The following TOMM34 variants were observed in gnomAD, a reference collection of about 807,000 sequenced individuals.
TOMM34 encodes the protein translocase of outer mitochondrial membrane 34, also known as mitochondrial import receptor subunit TOM34.
Under a neutral mutation model 37.4 loss-of-function variants are expected in TOMM34, and 24 were observed. That is an observed-to-expected ratio of 0.64 (90% CI 0.46 to 0.90). TOMM34 has a LOEUF of 0.90. Ranked by LOEUF, TOMM34 falls within the 40% of genes least tolerant of loss-of-function variation. The probability of loss-of-function intolerance (pLI) is 0.00; values close to 1 mark genes in which losing one functional copy is unlikely to be tolerated. For synonymous variants in TOMM34, 154 were observed against 148.9 expected, an observed-to-expected ratio of 1.03 and a Z score of -0.25; for missense variants, 304 against 375.6, an observed-to-expected ratio of 0.81 and a Z score of 1.58.
chr20:44,958,419 T>G, intron 1 of TOMM34: 1 of 471,460 alleles, frequency 2.1e-6, no homozygotes, highest in South Asian at 1.5e-5. Context: ...TAATCCATCT[T>G]GAGTCACCAG....
At position 44,944,187 on chromosome 20, in the gene TOMM34, A is replaced by G. The variant is rs1968404670; in HGVS notation, c.699-608T>C. Among the ~76,000 whole-genome samples, 3 of 152,234 alleles carry G rather than the reference A, an allele frequency of 2.0e-5. No individual in the cohort carries two copies. In the South Asian group the frequency reaches 6.2e-4, roughly 32 times the overall value. On this transcript the variant is annotated intron_variant, in intron 5 of 6. Transcript: ENST00000372813. ...AATGTACAAATCTTTCAACTTTCCTATATTTTGAACATTTTCATAATAAAA... is the reference window on the plus strand; with the variant it reads ...AATGTACAAATCTTTCAACTTTCCTGTATTTTGAACATTTTCATAATAAAA...
chr20:44,952,358 C>T (rs7269796), intron 3 of TOMM34, among the ~76,000 whole-genome samples: 3,877 of 147,176 alleles, frequency 0.026, 107 homozygotes, highest in African/African-American at 0.063. Flanking sequence ...CACAACCATG[C>T]AAGCACCTGA....
chr20:44,944,435 A>C (rs2066963380), intron 5 of TOMM34, among the ~76,000 whole-genome samples: 1 of 152,340 alleles, frequency 6.6e-6, no homozygotes, highest in African/African-American at 2.4e-5. Flanking sequence ...TGGATGTAGC[A>C]TAATTTATTT....
intron 3 of TOMM34, among the ~76,000 whole-genome samples, chr20:44,954,320 C>T (rs1368414882): frequency 6.6e-6 from 1 of 152,194 alleles, no homozygotes; most frequent in African/African-American, 2.4e-5. Flanking sequence ...ATGTCTCAGT[C>T]ATCAGCCCAG....
intron 5 of TOMM34, among the ~76,000 whole-genome samples, chr20:44,947,823 G>A (rs1378763493): frequency 6.6e-6 from 1 of 152,192 alleles, no homozygotes; most frequent in African/African-American, 2.4e-5. Context: ...TATCTCAAGA[G>A]TTTGGAATAA....
chr20:44,956,881 A>G (rs983179810), intron 1 of TOMM34, among the ~76,000 whole-genome samples: 11 of 152,086 alleles, frequency 7.2e-5, no homozygotes, highest in African/African-American at 2.4e-4. Flanking sequence ...AAGAAAAAAA[A>G]AAAAAGAAAA....
At chr20:44,943,240 G>A in intron 6 of TOMM34, 27 bp from the exon 7 acceptor site, 1 of 1,613,146 alleles carries the variant, frequency 6.2e-7, no homozygotes, top group Non-Finnish European at 8.5e-7. Flanking sequence ...CAGGAGTGTG[G>A]GGGAAGGTTC....
At chr20:44,945,349 G>A (rs771380187) in intron 5 of TOMM34, among the ~76,000 whole-genome samples, 3 of 152,214 alleles carry the variant, frequency 2.0e-5, no homozygotes, top group South Asian at 2.1e-4. Context: ...ACTGAGAGGC[G>A]GAGGTGTATC....
chr20:44,953,409 C>A (rs1237503575), intron 3 of TOMM34, among the ~76,000 whole-genome samples: 2 of 152,198 alleles, frequency 1.3e-5, no homozygotes, highest in African/African-American at 4.8e-5. Context: ...CTTGGGACAT[C>A]AATGCCCTGT....
At chr20:44,954,804 G>A (rs2067056602) in intron 3 of TOMM34, among the ~76,000 whole-genome samples, 1 of 152,112 alleles carries the variant, frequency 6.6e-6, no homozygotes, top group African/African-American at 2.4e-5. Flanking sequence ...CTTAAACAGT[G>A]TACAATAAAT....
Position 44,943,012 on chromosome 20 carries a change from T to G in TOMM34, c.*97A>C. ...TTGAGGAGGGGGCTTCAGAGCTCACTTGGGGCATGCTGGGTTTCAGGAGCG... is the reference window on the plus strand; with the variant it reads ...TTGAGGAGGGGGCTTCAGAGCTCACGTGGGGCATGCTGGGTTTCAGGAGCG... On this transcript the variant is annotated 3_prime_UTR_variant, in exon 7 of 7. Coordinates refer to ENST00000372813, the MANE Select transcript of TOMM34 (RefSeq NM_006809.5). 1 of 1,190,430 alleles carries G rather than the reference T, an allele frequency of 8.4e-7. No individual in the cohort carries two copies. The highest frequency in any genetic ancestry group is 1.3e-5 in the South Asian group (1 of 78,612). 73.7% of individuals were successfully genotyped at this position (1,190,430 alleles called of 1,614,324 possible). A position where few individuals can be genotyped will look rare whatever the true frequency, so the allele number is the denominator to read the frequency against.
intron 1 of TOMM34, among the ~76,000 whole-genome samples, chr20:44,957,379 G>A (rs1417675253): frequency 1.3e-5 from 2 of 152,052 alleles, no homozygotes; most frequent in Non-Finnish European, 2.9e-5. Flanking sequence ...TCACTATGTT[G>A]GCCAAGCTGG....
At chr20:44,955,385 C>T (rs1359362689) in intron 2 of TOMM34, 165 bp from the exon 3 acceptor site, 19 of 771,244 alleles carry the variant, frequency 2.5e-5, no homozygotes, top group East Asian at 8.0e-5. Context: ...GATTTTTCAA[C>T]GTAGACTGAA....
At chr20:44,955,047 C>A (rs200263518) in intron 3 of TOMM34, 21 bp downstream of exon 3, 15 of 1,613,070 alleles carry the variant, frequency 9.3e-6, no homozygotes, top group Non-Finnish European at 1.3e-5. Flanking sequence ...GTGGAGACCA[C>A]CTGCTGGGAA....
intron 3 of TOMM34, 118 bp from the exon 4 acceptor site, chr20:44,952,120 CT>C: frequency 8.0e-7 from 1 of 1,249,274 alleles, no homozygotes; most frequent in East Asian, 2.6e-5. Flanking sequence ...CACCCTCCCC[CT>C]GGTCGGAACC....
chr20:44,959,885 T>C lies in TOMM34; in HGVS notation c.127+322A>G, dbSNP rs936092663. The C allele has an allele frequency of 7.1e-6, 7 of 980,084 alleles. No individual in the cohort carries two copies. In the African/African-American group the frequency reaches 1.1e-4, roughly 15 times the overall value. The allele number at this position is 980,084 out of a possible 1,614,324, so 60.7% of individuals were successfully genotyped here. ...CGCTGTCCTTGAGAGAAGGGACTTT[T>C]TGTGTCTTGTTACACAGGCGGTATA... On this transcript the variant is annotated intron_variant, in intron 1 of 6. Coordinates refer to ENST00000372813, the MANE Select transcript of TOMM34 (RefSeq NM_006809.5).
chr20:44,948,475 A>G (rs958065825), intron 5 of TOMM34, among the ~76,000 whole-genome samples: 1 of 152,212 alleles, frequency 6.6e-6, no homozygotes, highest in African/African-American at 2.4e-5. Context: ...CACTGCTTTT[A>G]GTTACATTGC....
Position 44,943,441 on chromosome 20 carries a change from A to ATT in TOMM34, c.825+10_825+11dup, listed in dbSNP as rs750700802. ...GCTATGTTGGGACCTTTTGGCCAGG[A>ATT]TTTTTTTTTACCTTGAGTGCTTTGT... is the stretch of plus-strand genomic sequence containing the variant. On this transcript the variant is annotated intron_variant, in intron 6 of 6. Coordinates refer to ENST00000372813, the MANE Select transcript of TOMM34 (RefSeq NM_006809.5). 1 of 1,609,886 alleles carries ATT rather than the reference A, an allele frequency of 6.2e-7. No individual in the cohort carries two copies. Among genetic ancestry groups the ATT allele is most frequent in the Admixed American group, 1.7e-5 (1 of 59,716 alleles).
intron 3 of TOMM34, chr20:44,952,543 A>C (rs780689151): frequency 2.8e-6 from 2 of 715,804 alleles, no homozygotes; most frequent in East Asian, 5.4e-5. Context: ...CTTCTGTTCA[A>C]GACTTTGCAC....
Sources: gnomAD v4.1 joint callset for allele counts (sites outside exome capture counted in the v4.1 genomes callset) on GRCh38, gnomAD v4.1.1 for gene constraint, MANE v1.5 for transcripts, NCBI Gene and HGNC (gene_info 2026-07-23, HGNC 2026-07-21) for gene names.